The following HUWE1 variants were observed in gnomAD, a reference collection of about 807,000 sequenced individuals.
HUWE1 encodes the protein HECT, UBA and WWE domain containing E3 ubiquitin protein ligase 1.
In HUWE1, 18 loss-of-function variants were observed where a neutral mutation model predicts 299.4. The ratio of observed to expected loss-of-function variants is 0.06; its 90% CI spans 0.04 to 0.09. The LOEUF (loss-of-function observed/expected upper bound fraction) is 0.09, where lower values mean the gene tolerates loss of function less well. HUWE1 is among the 10% of genes least tolerant of loss of function. The probability of loss-of-function intolerance (pLI) is 1.00; values close to 1 mark genes in which losing one functional copy is unlikely to be tolerated. For missense variants in HUWE1, 1,832 were observed against 3,462.3 expected (o/e 0.53, Z 11.82); for synonymous variants, 1,317 against 1,286.1 (o/e 1.02, Z -0.51).
intron 56 of HUWE1, among the ~76,000 whole-genome samples, chrX:53,559,946 G>A (rs1162347309): frequency 8.9e-6 from 1 of 112,498 alleles, no homozygotes; most frequent in Non-Finnish European, 1.9e-5. Context: ...CTTGGCATGA[G>A]ACACTTAATA....
chrX:53,660,861 TATG>T (rs1557045062), intron 3 of HUWE1, among the ~76,000 whole-genome samples: 1 of 98,601 alleles, frequency 1.0e-5, no homozygotes, highest in Non-Finnish European at 2.1e-5. Context: ...AGGGAATTCA[TATG>T]ATATTTTTTC....
intron 47 of HUWE1, among the ~76,000 whole-genome samples, chrX:53,570,341 T>C (rs1436515633): frequency 2.7e-5 from 3 of 112,797 alleles, no homozygotes; most frequent in African/African-American, 9.7e-5. Context: ...AATCTATAAA[T>C]AGATAAGTAT....
chrX:53,626,495 T>C (rs1167226595), intron 17 of HUWE1, among the ~76,000 whole-genome samples: 1 of 111,751 alleles, frequency 8.9e-6, no homozygotes, highest in Non-Finnish European at 1.9e-5. Context: ...ATGAACAGTA[T>C]GTTTATGATC....
At chrX:53,661,271 T>A (rs2068993074) in intron 3 of HUWE1, among the ~76,000 whole-genome samples, 1 of 111,923 alleles carries the variant, frequency 8.9e-6, no homozygotes, top group South Asian at 3.7e-4. Flanking sequence ...CCTGACGTTG[T>A]GATCCGCCCG....
At position 53,537,368 on chromosome X, in the gene HUWE1, C is replaced by T. The variant is rs1477630520; in HGVS notation, c.12137+188G>A. On this transcript the variant is annotated intron_variant, in intron 78 of 83. Coordinates refer to ENST00000262854, the MANE Select transcript of HUWE1 (RefSeq NM_031407.7). ...ATTGTTGGGTAGCTTAGCTAAAGGG[C>T]CAGCCAGCAGGGCAGGCCCAGAAGA... The T allele has an allele frequency of 2.0e-5, 10 of 492,664 alleles. No individual in the cohort carries two copies. The Admixed American group carries it at 3.1e-4, about 15-fold the overall frequency. The allele number at this position is 492,664 out of a possible 1,213,427, so 40.6% of individuals were successfully genotyped here.
chrX:53,560,209 T>C lies in HUWE1; in HGVS notation c.7715A>G (p.Asn2572Ser). 8.4e-7 allele frequency: 1 copy of C among 1,190,758 alleles called. No homozygotes were observed. The highest frequency in any genetic ancestry group is 1.8e-5 in the African/African-American group (1 of 57,113). Residue 2572 changes from asparagine (N) to serine (S), a missense_variant, in exon 56 of 84, where the codon AAC becomes AGC. Transcript: ENST00000262854. The stretch of plus-strand genomic sequence containing the variant: ...TCACCTCTGCAGTATAAGAGGAGGG[T>C]TGGGCTGGCGATTCCCAGGGTAGTG... ...HVHYPGNRQP[N>S]PPLILQRLLG... is the part of the protein sequence containing the mutation.
intron 35 of HUWE1, 81 bp from the exon 36 acceptor site, chrX:53,589,897 G>C (rs782317777): frequency 1.1e-4 from 113 of 1,011,025 alleles, no homozygotes; most frequent in Non-Finnish European, 1.4e-4. Flanking sequence ...GAATGTTTTT[G>C]CTCTACCATA....
In HUWE1 at chrX:53,604,793, A is replaced by T. The variant is rs1436669483; in HGVS notation, c.2538T>A (p.Leu846=). 1.7e-6 allele frequency: 2 copies of T among 1,207,802 alleles called. No individual in the cohort carries two copies. The highest frequency in any genetic ancestry group is 4.4e-5 in the Admixed American group (2 of 45,850). The change falls in exon 26 of 84, where the codon CTT becomes CTA. Residue 846 remains leucine, a synonymous_variant. Coordinates refer to ENST00000262854, the MANE Select transcript of HUWE1 (RefSeq NM_031407.7). The part of the protein sequence containing the change: ...HEPKVLQEGL[L]QLDSILSSLE... The stretch of plus-strand genomic sequence containing the variant: ...GGGAGGAGAGGATGGAGTCCAACTG[A>T]AGGAGACCCTCTTGAAGGACTTTGG...
At chrX:53,611,363 C>G (rs1557002051) in intron 23 of HUWE1, among the ~76,000 whole-genome samples, 1 of 110,544 alleles carries the variant, frequency 9.0e-6, no homozygotes, top group Non-Finnish European at 1.9e-5. Flanking sequence ...GATGAACCTC[C>G]AAAACACATC....
At chrX:53,664,750 C>G (rs1161661585) in intron 3 of HUWE1, among the ~76,000 whole-genome samples, 1 of 111,587 alleles carries the variant, frequency 9.0e-6, no homozygotes, top group Admixed American at 9.5e-5. Flanking sequence ...GAGAGCTGCC[C>G]TGAGCATTCT....
chrX:53,635,135 T>C (rs922892523), intron 7 of HUWE1, among the ~76,000 whole-genome samples: 175 of 110,711 alleles, frequency 1.6e-3, no homozygotes, highest in Admixed American at 2.6e-3. Flanking sequence ...AAATGAGATA[T>C]TATTTGAAAC....
Position 53,549,287 on chromosome X carries a change from C to T in HUWE1, c.9707G>A (p.Ser3236Asn). 1 of 1,211,788 alleles carries T rather than the reference C, an allele frequency of 8.3e-7. No individual in the cohort carries two copies. The highest frequency in any genetic ancestry group is 1.7e-5 in the African/African-American group (1 of 57,826). Residue 3236 changes from serine to asparagine, a missense_variant, in exon 67 of 84, where the codon AGT becomes AAT. By Grantham distance (46) the Ser-to-Asn change is conservative. Coordinates refer to ENST00000262854, the MANE Select transcript of HUWE1 (RefSeq NM_031407.7). ...TTTGGGTGTTTCAATGCATAGCTCA[C>T]TCTCACTGCTGCGCTGCAAGATGGA... is the stretch of plus-strand genomic sequence containing the variant. ...LLSILQRSSE[S>N]ELCIETPKLT...
At chrX:53,647,630 G>A in intron 5 of HUWE1, 56 bp from the exon 6 acceptor site, 2 of 874,078 alleles carry the variant, frequency 2.3e-6, no homozygotes, top group South Asian at 4.0e-5. Flanking sequence ...CCGCATGGGT[G>A]CTTTCTAACT....
At chrX:53,555,124 A>G (rs781975135) in intron 60 of HUWE1, among the ~76,000 whole-genome samples, 4 of 111,585 alleles carry the variant, frequency 3.6e-5, no homozygotes, top group Admixed American at 9.5e-5. Flanking sequence ...CCAAGAATGC[A>G]AGAACTGGAG....
At chrX:53,671,416 G>A (rs1394526147) in intron 3 of HUWE1, among the ~76,000 whole-genome samples, 1 of 112,144 alleles carries the variant, frequency 8.9e-6, no homozygotes, top group African/African-American at 3.2e-5. Context: ...AAAATCATGA[G>A]AAACTGGGAC....
chrX:53,533,604 C>T (rs1417894331), intron 83 of HUWE1, 193 bp from the exon 84 acceptor site: 2 of 464,878 alleles, frequency 4.3e-6, no homozygotes, highest in Admixed American at 6.8e-5. Flanking sequence ...GCACCAAAAC[C>T]AAAAATCTGA....
Position 53,575,203 on chromosome X carries a change from C to T in HUWE1, c.6049G>A (p.Asp2017Asn), listed in dbSNP as rs781994492. ...GCGGAAGTCTCAGTGGAGGCACCAT[C>T]TGCAGCAAAGACCTGACTCTGAAGA... is the stretch of plus-strand genomic sequence containing the variant. ...FSINSQVFAA[D>N]GASTETSASG... The change falls in exon 46 of 84, where the codon GAT becomes AAT. Residue 2017 changes from aspartate (D) to asparagine (N), a missense_variant. Asp to Asn is a conservative substitution (Grantham distance 23). Transcript: ENST00000262854. 4.2e-6 allele frequency: 5 copies of T among 1,204,609 alleles called. No homozygotes were observed. Among genetic ancestry groups the T allele is most frequent in the Non-Finnish European group, 5.6e-6 (5 of 889,586 alleles).
At chrX:53,621,017 C>T (rs782523418) in intron 19 of HUWE1, among the ~76,000 whole-genome samples, 3 of 111,934 alleles carry the variant, frequency 2.7e-5, no homozygotes, top group Non-Finnish European at 5.6e-5. Context: ...TTGACATACA[C>T]AACTGTATGG....
At position 53,575,838 on chromosome X, in the gene HUWE1, T is replaced by C. The variant is rs140792428; in HGVS notation, c.5885-50A>G. On this transcript the variant is annotated intron_variant, in intron 44 of 83. Transcript: ENST00000262854. ...AAAACAAAATAAACCTCTTCTACAA[T>C]TGGACAATGTTAAGGCCTATCTAGT... The C allele has an allele frequency of 3.7e-5, 43 of 1,153,477 alleles. 1 individual carries two copies. The Middle Eastern group carries it at 1.2e-3, about 33-fold the overall frequency.
Sources: allele counts gnomAD v4.1 joint callset (sites outside exome capture counted in the v4.1 genomes callset), GRCh38; gene constraint gnomAD v4.1.1; transcripts MANE v1.5; gene names NCBI Gene and HGNC (gene_info 2026-07-23, HGNC 2026-07-21).